Variants in FCHSD2 observed in about 807,000 individuals in gnomAD.
FCHSD2 encodes FCH and double SH3 domains 2, also known as F-BAR and double SH3 domains protein 2.
A neutral mutation model predicts 108.1 loss-of-function variants in FCHSD2; 38 were observed. The ratio of observed to expected loss-of-function variants is 0.35; its 90% confidence interval spans 0.27 to 0.46. The LOEUF is 0.46. Ranked by LOEUF, FCHSD2 falls within the 20% of genes least tolerant of loss-of-function variation. The pLI, the probability that FCHSD2 is intolerant of heterozygous loss-of-function variation, is 1.00. For missense variants in FCHSD2, 751 were observed against 897.8 expected, an observed-to-expected ratio of 0.84 and a Z score of 2.09; for synonymous variants, 279 against 314.7, an observed-to-expected ratio of 0.89 and a Z score of 1.20.
chr11:72,981,520 T>C (rs1303701368), intron 8 of FCHSD2, among the ~76,000 whole-genome samples: 1 of 152,218 alleles, frequency 6.6e-6, no homozygotes, highest in East Asian at 1.9e-4. Context: ...TTTAAAAATA[T>C]TCATAGGGAA....
intron 9 of FCHSD2, among the ~76,000 whole-genome samples, chr11:72,910,856 A>G (rs1341036328): frequency 6.7e-6 from 1 of 149,642 alleles, no homozygotes; most frequent in African/African-American, 2.5e-5. Flanking sequence ...AAAATTTCCT[A>G]TAGAGTTGTT....
intron 2 of FCHSD2, among the ~76,000 whole-genome samples, chr11:73,116,944 T>G (rs1453057390): frequency 1.8e-5 from 1 of 54,614 alleles, no homozygotes; most frequent in African/African-American, 1.0e-4. Flanking sequence ...ACCTTTCCAT[T>G]TTTCCCCAAA....
chr11:73,093,648 C>T (rs1860008121), intron 2 of FCHSD2, among the ~76,000 whole-genome samples: 1 of 152,016 alleles, frequency 6.6e-6, no homozygotes, highest in South Asian at 2.1e-4. Context: ...GTTGCCCAGG[C>T]TGGAGTGCAA....
intron 13 of FCHSD2, among the ~76,000 whole-genome samples, chr11:72,851,877 C>CGTT: frequency 8.1e-6 from 1 of 123,450 alleles, no homozygotes; most frequent in Non-Finnish European, 1.7e-5. Flanking sequence ...GTCAGAGTGG[C>CGTT]TTTTTTTTTT....
chr11:73,010,783 G>A (rs72982852), intron 4 of FCHSD2, among the ~76,000 whole-genome samples: 34,133 of 152,222 alleles, frequency 0.22, 4,593 homozygotes, highest in Middle Eastern at 0.37. Context: ...AGGCAGTGGT[G>A]AGTTGGCACT....
chr11:72,920,960 G>A (rs1325420471), intron 9 of FCHSD2, among the ~76,000 whole-genome samples: 1 of 151,962 alleles, frequency 6.6e-6, no homozygotes, highest in Non-Finnish European at 1.5e-5. Flanking sequence ...TATACAAGAG[G>A]CATTCAGGAT....
chr11:73,130,110 G>A (rs924142624), intron 2 of FCHSD2, among the ~76,000 whole-genome samples: 7 of 151,842 alleles, frequency 4.6e-5, no homozygotes, highest in Non-Finnish European at 8.8e-5. Flanking sequence ...TCCTGATCTC[G>A]TGATCCGCCC....
At chr11:73,100,948 C>T (rs1456599133) in intron 2 of FCHSD2, among the ~76,000 whole-genome samples, 1 of 151,784 alleles carries the variant, frequency 6.6e-6, no homozygotes, top group Non-Finnish European at 1.5e-5. Context: ...CAGAGCTCTC[C>T]TCACACAGAC....
At chr11:72,890,788 C>T (rs561080298) in intron 10 of FCHSD2, among the ~76,000 whole-genome samples, 22 of 151,858 alleles carry the variant, frequency 1.4e-4, no homozygotes, top group Non-Finnish European at 3.1e-4. Flanking sequence ...ATGTTACAAC[C>T]TTAATTGACC....
chr11:73,020,120 C>T (rs1040845053), intron 3 of FCHSD2, among the ~76,000 whole-genome samples: 3 of 152,146 alleles, frequency 2.0e-5, no homozygotes, highest in Non-Finnish European at 4.4e-5. Flanking sequence ...CAATAACATC[C>T]GATTCCAACT....
chr11:73,008,379 ATAATT>A (rs542705938), intron 4 of FCHSD2, among the ~76,000 whole-genome samples: 88 of 152,296 alleles, frequency 5.8e-4, no homozygotes, highest in Admixed American at 8.5e-4. Context: ...TAACCTAAGA[ATAATT>A]TATATAATAA....
At chr11:72,888,300 T>C (rs1244624772) in intron 11 of FCHSD2, among the ~76,000 whole-genome samples, 1 of 152,168 alleles carries the variant, frequency 6.6e-6, no homozygotes, top group East Asian at 1.9e-4. Flanking sequence ...TGTGATGAAA[T>C]TGTTGACAGA....
chr11:73,083,823 C>T (rs1368530088), intron 2 of FCHSD2, 83 bp from the exon 3 acceptor site: 5 of 873,400 alleles, frequency 5.7e-6, no homozygotes, highest in Non-Finnish European at 7.4e-6. Context: ...TCAAATACTG[C>T]CTGGTTAAGA....
At chr11:72,858,036 G>A (rs961897457) in intron 13 of FCHSD2, among the ~76,000 whole-genome samples, 2 of 152,180 alleles carry the variant, frequency 1.3e-5, no homozygotes, top group African/African-American at 2.4e-5. Flanking sequence ...ATTAAATGAA[G>A]TAAAATATTT....
intron 3 of FCHSD2, among the ~76,000 whole-genome samples, chr11:73,044,730 A>G (rs908918395): frequency 6.6e-6 from 1 of 152,216 alleles, no homozygotes; most frequent in Non-Finnish European, 1.5e-5. Flanking sequence ...TGCACATAGT[A>G]CATGCAATAA....
intron 2 of FCHSD2, among the ~76,000 whole-genome samples, chr11:73,113,032 C>T (rs758431575): frequency 2.6e-5 from 4 of 152,022 alleles, no homozygotes; most frequent in Non-Finnish European, 5.9e-5. Context: ...CTTTTTTCTT[C>T]TGTCTTCTCT....
At chr11:73,110,417 A>G (rs567988608) in intron 2 of FCHSD2, among the ~76,000 whole-genome samples, 50 of 152,230 alleles carry the variant, frequency 3.3e-4, no homozygotes, top group Admixed American at 7.2e-4. Flanking sequence ...TTCAATCTTG[A>G]TAAGTTGTAT....
At chr11:73,098,217 C>G (rs1860136062) in intron 2 of FCHSD2, among the ~76,000 whole-genome samples, 1 of 152,142 alleles carries the variant, frequency 6.6e-6, no homozygotes, top group African/African-American at 2.4e-5. Context: ...TCCCTGAATA[C>G]TAGTTTCACA....
At position 72,940,491 on chromosome 11, in the gene FCHSD2, A is replaced by G. The variant is rs557684185; in HGVS notation, c.706-18541T>C. On this transcript the variant is annotated intron_variant, in intron 8 of 19. Transcript: ENST00000409418. ...TCTGTCTGGCAGTAGCCATCAGGTA[A>G]GCCAAGATGGGTGCATACCCGCACA... 4.0e-4 allele frequency: 292 copies of G among 734,760 alleles called. 1 individual carries two copies. The highest frequency in any genetic ancestry group is 1.3e-3 in the South Asian group (87 of 65,390). The allele number at this position is 734,760 out of a possible 1,614,324, so 45.5% of individuals were successfully genotyped here.
Sources: gnomAD v4.1 joint callset for allele counts (sites outside exome capture counted in the v4.1 genomes callset) on GRCh38, gnomAD v4.1.1 for gene constraint, MANE v1.5 for transcripts, NCBI Gene and HGNC (gene_info 2026-07-23, HGNC 2026-07-21) for gene names.